The following CDH8 variants were observed in gnomAD, a reference collection of about 807,000 sequenced individuals.
CDH8 encodes the protein cadherin-8.
Under a neutral mutation model 68.1 loss-of-function variants are expected in CDH8, and 17 were observed. The observed-to-expected ratio is 0.25, with a 90% CI of 0.17 to 0.37. The LOEUF (loss-of-function observed/expected upper bound fraction) is 0.37. CDH8 is among the 10% of genes least tolerant of loss of function. The probability of loss-of-function intolerance (pLI) is 1.00; values close to 1 mark genes in which losing one functional copy is unlikely to be tolerated. For synonymous variants in CDH8, 372 were observed against 365.1 expected (o/e 1.02, Z -0.21); for missense variants, 763 against 999.3 (o/e 0.76, Z 3.19).
chr16:61,920,476 T>C (rs909648958), intron 2 of CDH8, among the ~76,000 whole-genome samples: 2 of 145,490 alleles, frequency 1.4e-5, no homozygotes, highest in East Asian at 4.1e-4. Context: ...AAGAAGACAT[T>C]TATGCAGCCA....
intron 9 of CDH8, among the ~76,000 whole-genome samples, chr16:61,716,253 TG>T (rs1467223369): frequency 6.6e-6 from 1 of 151,646 alleles, no homozygotes; most frequent in African/African-American, 2.4e-5. Context: ...GGCTCATACC[TG>T]CTGTTGCATC....
At chr16:61,949,743 G>A (rs1964859539) in intron 2 of CDH8, among the ~76,000 whole-genome samples, 1 of 152,026 alleles carries the variant, frequency 6.6e-6, no homozygotes, top group Non-Finnish European at 1.5e-5. Context: ...AGCACTTTGG[G>A]AAGCCAAGGC....
chr16:61,961,018 T>C (rs1965144471), intron 2 of CDH8, among the ~76,000 whole-genome samples: 1 of 152,112 alleles, frequency 6.6e-6, no homozygotes, highest in Admixed American at 6.5e-5. Context: ...AGGATCTCTA[T>C]AAGAACAGGA....
chr16:61,927,946 A>G (rs1178149692), intron 2 of CDH8, among the ~76,000 whole-genome samples: 1 of 152,262 alleles, frequency 6.6e-6, no homozygotes, highest in Non-Finnish European at 1.5e-5. Context: ...TGAGAGCTCC[A>G]TTGCAATATT....
intron 2 of CDH8, among the ~76,000 whole-genome samples, chr16:61,938,898 T>C (rs560296123): frequency 2.0e-5 from 3 of 152,262 alleles, no homozygotes; most frequent in Non-Finnish European, 4.4e-5. Context: ...TGAGATGATA[T>C]ATGTAAAATG....
chr16:62,019,132 T>C (rs1473600229), intron 2 of CDH8, among the ~76,000 whole-genome samples: 1 of 152,234 alleles, frequency 6.6e-6, no homozygotes, highest in African/African-American at 2.4e-5. Flanking sequence ...AATATGCATG[T>C]ATTCCCAGAA....
intron 8 of CDH8, among the ~76,000 whole-genome samples, chr16:61,782,130 G>A (rs529018816): frequency 2.0e-5 from 3 of 152,306 alleles, no homozygotes; most frequent in Non-Finnish European, 2.9e-5. Flanking sequence ...AGCTCCCAGC[G>A]TGAGCGACGC....
At chr16:61,914,718 T>TATA (rs1037213390) in intron 2 of CDH8, among the ~76,000 whole-genome samples, 6 of 141,222 alleles carry the variant, frequency 4.2e-5, no homozygotes, top group Non-Finnish European at 6.2e-5. Flanking sequence ...GAACTGAAAG[T>TATA]ATAATAATAA....
At chr16:61,833,411 A>G (rs934029358) in intron 4 of CDH8, among the ~76,000 whole-genome samples, 16 of 151,856 alleles carry the variant, frequency 1.1e-4, no homozygotes, top group Non-Finnish European at 2.4e-4. Flanking sequence ...ACATACATAT[A>G]TACACATGTC....
intron 3 of CDH8, among the ~76,000 whole-genome samples, chr16:61,883,038 G>A (rs550503984): frequency 2.6e-5 from 4 of 152,164 alleles, no homozygotes; most frequent in Admixed American, 6.6e-5. Context: ...CATCATTTCT[G>A]TTATGATGGT....
At chr16:61,744,552 A>G (rs1959964403) in intron 8 of CDH8, among the ~76,000 whole-genome samples, 1 of 151,916 alleles carries the variant, frequency 6.6e-6, no homozygotes, top group Non-Finnish European at 1.5e-5. Flanking sequence ...TCTAATATTA[A>G]AGTATGTAAC....
rs562370172 is a variant in CDH8 at position 61,980,004 on chromosome 16, A to G, written c.252+41148T>C. Among the ~76,000 whole-genome samples the G allele has an allele frequency of 2.2e-4, 33 of 152,350 alleles. No homozygotes were observed. The South Asian group carries it at 5.8e-3, about 27-fold the overall frequency. On this transcript the variant is annotated intron_variant, in intron 2 of 11. Coordinates refer to ENST00000577390, the MANE Select transcript of CDH8 (RefSeq NM_001796.5). Reference sequence around the variant, plus strand: ...GTGCTAAATTTGATCCACTCCAGTCAGAGACAATCAGAAAGTAGGAACTAA... The same window carrying G: ...GTGCTAAATTTGATCCACTCCAGTCGGAGACAATCAGAAAGTAGGAACTAA...
intron 4 of CDH8, among the ~76,000 whole-genome samples, chr16:61,849,852 A>G (rs1270231695): frequency 6.6e-6 from 1 of 152,170 alleles, no homozygotes; most frequent in African/African-American, 2.4e-5. Flanking sequence ...CCTATCACAA[A>G]TATCACATTT....
intron 2 of CDH8, among the ~76,000 whole-genome samples, chr16:61,960,013 T>TATATATATATATATATAC (rs1428445364): frequency 1.1e-4 from 9 of 80,552 alleles, no homozygotes; most frequent in Non-Finnish European, 1.7e-4. Flanking sequence ...TATATATATA[T>TATATATATATATATATAC]ATACACACAT....
At chr16:61,692,566 G>T (rs1964248097) in intron 10 of CDH8, 1 of 124,448 alleles carries the variant, frequency 8.0e-6, no homozygotes, top group African/African-American at 2.8e-5. Context: ...GAGAGTTGTG[G>T]GTTTTTTTTT....
At chr16:62,033,864 C>G (rs574930517) in intron 1 of CDH8, among the ~76,000 whole-genome samples, 1 of 109,458 alleles carries the variant, frequency 9.1e-6, no homozygotes, top group Admixed American at 8.3e-5. Flanking sequence ...TCTTCAGAGT[C>G]CAGAAAAAAA....
At chr16:61,831,552 A>C (rs1371992115) in intron 4 of CDH8, among the ~76,000 whole-genome samples, 1 of 151,812 alleles carries the variant, frequency 6.6e-6, no homozygotes, top group East Asian at 1.9e-4. Context: ...TTCTGATTAG[A>C]ATCCAGCTTC....
chr16:61,799,908 C>T (rs1366208756), intron 7 of CDH8, among the ~76,000 whole-genome samples: 3 of 151,584 alleles, frequency 2.0e-5, no homozygotes, highest in Non-Finnish European at 2.9e-5. Flanking sequence ...AACTCTTTTC[C>T]CCCCCCCAAA....
rs141868208 is a variant in CDH8 at position 61,795,920 on chromosome 16, T to C, written c.1278-6438A>G. The stretch of plus-strand genomic sequence containing the variant: ...TTTTATACCTGGCCCTAGAGTTTGC[T>C]GATTGACCCTTTTTTAAGAATTTTC... On this transcript the variant is annotated intron_variant, in intron 7 of 11. Coordinates refer to ENST00000577390, the MANE Select transcript of CDH8 (RefSeq NM_001796.5). 9.9e-5 allele frequency among the ~76,000 whole-genome samples: 15 copies of C among 152,200 alleles called. No homozygotes were observed. In the East Asian group the frequency reaches 2.9e-3, roughly 29 times the overall value.
Sources: allele counts gnomAD v4.1 joint callset (sites outside exome capture counted in the v4.1 genomes callset), GRCh38; gene constraint gnomAD v4.1.1; transcripts MANE v1.5; gene names NCBI Gene and HGNC (gene_info 2026-07-23, HGNC 2026-07-21).